Variants in DIS3L2 observed in about 807,000 individuals in gnomAD.
The protein encoded by DIS3L2 is DIS3-like exonuclease 2.
DIS3L2 carries 34 observed loss-of-function variants against 97.5 expected under a neutral mutation model. The ratio of observed to expected loss-of-function variants is 0.35; its 90% CI spans 0.27 to 0.46. The LOEUF (loss-of-function observed/expected upper bound fraction) is 0.46, where lower values mean the gene tolerates loss of function less well. Ranked by LOEUF, DIS3L2 falls within the 20% of genes least tolerant of loss-of-function variation. DIS3L2 has a pLI of 1.00. For missense variants in DIS3L2, 1,038 were observed against 1,146.0 expected, an observed-to-expected ratio of 0.91 and a Z score of 1.36; for synonymous variants, 435 against 445.2, an observed-to-expected ratio of 0.98 and a Z score of 0.29.
chr2:232,218,066 G>C (rs568882916), intron 10 of DIS3L2, among the ~76,000 whole-genome samples: 1 of 152,344 alleles, frequency 6.6e-6, no homozygotes, highest in African/African-American at 2.4e-5. Context: ...AGGTAGGTCA[G>C]AGAACATTTT....
At chr2:232,040,399 T>C (rs1372625955) in intron 5 of DIS3L2, among the ~76,000 whole-genome samples, 4 of 152,190 alleles carry the variant, frequency 2.6e-5, no homozygotes, top group African/African-American at 7.2e-5. Context: ...AGGGGGACCA[T>C]GGCACCCTTT....
At chr2:232,137,523 C>G (rs898065133) in intron 8 of DIS3L2, among the ~76,000 whole-genome samples, 2 of 152,164 alleles carry the variant, frequency 1.3e-5, no homozygotes, top group African/African-American at 4.8e-5. Flanking sequence ...AGTTTAATGA[C>G]TTGCTTGTTG....
intron 3 of DIS3L2, among the ~76,000 whole-genome samples, chr2:232,017,151 A>G (rs149771531): frequency 0.023 from 3,526 of 152,170 alleles, 70 homozygotes; most frequent in Middle Eastern, 0.048. Flanking sequence ...GTGCAGTACA[A>G]TCTTGGCTCA....
rs116445878 is a variant in DIS3L2, at chr2:232,115,141, C to T, written c.602-15478C>T. Among the ~76,000 whole-genome samples the T allele has an allele frequency of 8.6e-3, 1,313 of 152,200 alleles. 18 individuals are homozygous for T. The highest frequency in any genetic ancestry group is 0.03 in the African/African-American group (1,228 of 41,530). On this transcript the variant is annotated intron_variant, in intron 6 of 20. Coordinates refer to ENST00000325385, the MANE Select transcript of DIS3L2 (RefSeq NM_152383.5). ...TCCAATCACCTCTTAAAGGCTTCACCTCTCAGTACTGCCACATTGGGAATT... is the reference window on the plus strand; with the variant it reads ...TCCAATCACCTCTTAAAGGCTTCACTTCTCAGTACTGCCACATTGGGAATT...
Position 232,012,276 on chromosome 2 carries a change from A to G in DIS3L2, c.-93-2559A>G, listed in dbSNP as rs533690951. Among the ~76,000 whole-genome samples the G allele has an allele frequency of 3.7e-4, 57 of 152,284 alleles. 1 individual carries two copies. Among genetic ancestry groups the G allele is most frequent in the African/African-American group, 1.2e-3 (51 of 41,566 alleles). On this transcript the variant is annotated intron_variant, in intron 1 of 20. Coordinates refer to ENST00000325385, the MANE Select transcript of DIS3L2 (RefSeq NM_152383.5). ...TGCCAGAGTTACAATGACAAACCCAATCAAACATTCCTTGTCTCCCTGAGC... is the reference window on the plus strand; with the variant it reads ...TGCCAGAGTTACAATGACAAACCCAGTCAAACATTCCTTGTCTCCCTGAGC...
At chr2:232,176,152 A>C (rs1691145834) in intron 9 of DIS3L2, among the ~76,000 whole-genome samples, 1 of 152,202 alleles carries the variant, frequency 6.6e-6, no homozygotes, top group African/African-American at 2.4e-5. Context: ...TGGCCTCCCA[A>C]AGTGCTGGGA....
intron 5 of DIS3L2, among the ~76,000 whole-genome samples, chr2:232,042,181 A>G (rs1695126988): frequency 6.6e-6 from 1 of 152,198 alleles, no homozygotes; most frequent in Non-Finnish European, 1.5e-5. Flanking sequence ...ATCAAAGTAC[A>G]CATTTAATCC....
intron 13 of DIS3L2, chr2:232,343,300 A>G (rs758201783): frequency 3.9e-6 from 6 of 1,521,098 alleles, no homozygotes; most frequent in African/African-American, 2.8e-5. Context: ...GCCTAGCCAC[A>G]TGAAACCGCG....
intron 13 of DIS3L2, among the ~76,000 whole-genome samples, chr2:232,275,622 A>G (rs1007443375): frequency 6.6e-5 from 10 of 152,270 alleles, no homozygotes; most frequent in Admixed American, 2.0e-4. Flanking sequence ...GACATGGCAG[A>G]TATTTTTAGA....
intron 8 of DIS3L2, among the ~76,000 whole-genome samples, chr2:232,158,306 C>CATGTGTGTGTGTGTGT (rs368545845): frequency 6.6e-6 from 1 of 150,492 alleles, no homozygotes; most frequent in African/African-American, 2.4e-5. Context: ...TCCTTTATAT[C>CATGTGTGTGTGTGTGT]GTGTGTGTGT....
chr2:231,992,224 G>C (rs1693605418), intron 1 of DIS3L2, among the ~76,000 whole-genome samples: 1 of 152,190 alleles, frequency 6.6e-6, no homozygotes, highest in Non-Finnish European at 1.5e-5. Context: ...CAGTAGGGGA[G>C]AGGATATGGA....
At chr2:232,226,770 G>A (rs192873337) in intron 10 of DIS3L2, among the ~76,000 whole-genome samples, 2 of 152,168 alleles carry the variant, frequency 1.3e-5, no homozygotes, top group East Asian at 3.9e-4. Flanking sequence ...CTAGGAGTTC[G>A]ACCCCAGCCT....
intron 1 of DIS3L2, among the ~76,000 whole-genome samples, chr2:231,971,790 C>T (rs1692921513): frequency 6.6e-6 from 1 of 150,488 alleles, no homozygotes; most frequent in Non-Finnish European, 1.5e-5. Flanking sequence ...CCGTGTTGGC[C>T]CAGGATGGTC....
At chr2:232,099,902 T>G (rs1282061610) in intron 6 of DIS3L2, among the ~76,000 whole-genome samples, 1 of 152,220 alleles carries the variant, frequency 6.6e-6, no homozygotes, top group Non-Finnish European at 1.5e-5. Flanking sequence ...CCTTTGTGTC[T>G]GTACTTTTGT....
chr2:232,125,757 G>A (rs575369751), intron 6 of DIS3L2, among the ~76,000 whole-genome samples: 5 of 152,120 alleles, frequency 3.3e-5, no homozygotes, highest in African/African-American at 7.2e-5. Flanking sequence ...TAGATGTGGG[G>A]TCCTAGAATG....
chr2:232,274,621 C>T (rs184949028), intron 13 of DIS3L2, among the ~76,000 whole-genome samples: 9 of 152,262 alleles, frequency 5.9e-5, no homozygotes, highest in African/African-American at 2.2e-4. Flanking sequence ...ACTGAGTTTC[C>T]CCAAATGCTG....
intron 11 of DIS3L2, among the ~76,000 whole-genome samples, chr2:232,247,613 C>CGGGGGGGGGG (rs1559173516): frequency 8.1e-5 from 1 of 12,384 alleles, no homozygotes; most frequent in Non-Finnish European, 1.6e-4. Flanking sequence ...CATATAACTG[C>CGGGGGGGGGG]CGCGGGGGGG....
intron 12 of DIS3L2, chr2:232,260,529 G>A (rs1257088024): frequency 3.3e-5 from 5 of 152,248 alleles, no homozygotes; most frequent in African/African-American, 7.2e-5. Flanking sequence ...TGCCACAGTG[G>A]AAGATTTGTG....
Position 232,237,072 on chromosome 2 carries a change from A to G in DIS3L2, c.1205-1461A>G, listed in dbSNP as rs188790412. 2.3e-3 allele frequency among the ~76,000 whole-genome samples: 354 copies of G among 151,932 alleles called. 3 individuals carry two copies. Among genetic ancestry groups the G allele is most frequent in the Non-Finnish European group, 4.3e-3 (289 of 67,950 alleles). On this transcript the variant is annotated intron_variant, in intron 10 of 20. Coordinates refer to ENST00000325385, the MANE Select transcript of DIS3L2 (RefSeq NM_152383.5). ...GCCTATATACTTATTTTACATGTAT[A>G]CTCTTTTTTTGTAATTGGTTCATTT...
Sources: gnomAD v4.1 joint callset for allele counts (sites outside exome capture counted in the v4.1 genomes callset) on GRCh38, gnomAD v4.1.1 for gene constraint, MANE v1.5 for transcripts, NCBI Gene and HGNC (gene_info 2026-07-23, HGNC 2026-07-21) for gene names.